The following RAB37 variants were observed in gnomAD, a reference collection of about 807,000 sequenced individuals.
RAB37 encodes the protein ras-related protein Rab-37.
Under a neutral mutation model 33.1 loss-of-function variants are expected in RAB37, and 29 were observed. The ratio of observed to expected loss-of-function variants is 0.88; its 90% confidence interval spans 0.65 to 1.20. The LOEUF (loss-of-function observed/expected upper bound fraction) is 1.20. RAB37 is among the 50% of genes most tolerant of loss of function. The pLI, the probability that RAB37 is intolerant of heterozygous loss-of-function variation, is 0.00. For synonymous variants in RAB37, 128 were observed against 119.5 expected (o/e 1.07, Z -0.47); for missense variants, 299 against 301.1 (o/e 0.99, Z 0.05).
At chr17:74,733,261 T>G (rs1166271952), upstream of RAB37, among the ~76,000 whole-genome samples, 2 of 152,052 alleles carry the variant, frequency 1.3e-5, no homozygotes, top group Non-Finnish European at 2.9e-5. Context: ...GTTTATAGTA[T>G]GAGGTGCACA....
chr17:74,695,907 C>T (rs746771602), intron 1 of RAB37: 1 of 1,586,060 alleles, frequency 6.3e-7, no homozygotes, highest in African/African-American at 1.3e-5. Flanking sequence ...TGTCTGTGGA[C>T]ACAGGTTCCT....
chr17:74,702,523 G>A (rs988080375), intron 1 of RAB37, among the ~76,000 whole-genome samples: 6 of 152,128 alleles, frequency 3.9e-5, no homozygotes, highest in African/African-American at 1.4e-4. Context: ...AGAAACTATA[G>A]GCATCACTGT....
In RAB37 at chr17:74,744,410, A is replaced by G. The variant is rs115323748; in HGVS notation, c.432+37A>G. On this transcript the variant is annotated intron_variant, in intron 6 of 8. Coordinates refer to ENST00000392613, the MANE Select transcript of RAB37 (RefSeq NM_001006638.3). The surrounding 1 kb of genome is among the most constrained non-coding windows in gnomAD (Gnocchi z 4.2). ...CGGGGCAGGGTCAGCCCAGCCCTGCACTTCCTCAGCCCTAGCCGGCCCCAT... is the reference window on the plus strand; with the variant it reads ...CGGGGCAGGGTCAGCCCAGCCCTGCGCTTCCTCAGCCCTAGCCGGCCCCAT... The G allele has an allele frequency of 1.6e-3, 2,573 of 1,602,920 alleles. 39 individuals carry two copies. In the African/African-American group the frequency reaches 0.03, roughly 19 times the overall value.
At chr17:74,728,863 A>G (rs948844785) in intron 1 of RAB37, among the ~76,000 whole-genome samples, 1 of 148,120 alleles carries the variant, frequency 6.8e-6, no homozygotes, top group Non-Finnish European at 1.5e-5. Flanking sequence ...TTTCTGTGCC[A>G]TGTGTGTTCT....
intron 1 of RAB37, among the ~76,000 whole-genome samples, chr17:74,700,610 T>C (rs2032960446): frequency 6.6e-6 from 1 of 152,028 alleles, no homozygotes; most frequent in African/African-American, 2.4e-5. Flanking sequence ...GGTGTGGTGG[T>C]GCATTCCTGT....
chr17:74,743,383 G>T, intron 5 of RAB37, 43 bp downstream of exon 5: 2 of 1,603,412 alleles, frequency 1.2e-6, no homozygotes, highest in Non-Finnish European at 1.7e-6. Flanking sequence ...AAGCAGCCAA[G>T]GCAAGGTCTA....
At position 74,740,836 on chromosome 17, in the gene RAB37, C is replaced by T. The variant is rs1253052980; in HGVS notation, c.162C>T (p.Phe54=). 1 of 1,614,142 alleles carries T rather than the reference C, an allele frequency of 6.2e-7. No homozygotes were observed. Among genetic ancestry groups the T allele is most frequent in the South Asian group, 1.1e-5 (1 of 91,090 alleles). ...CFLIQFKDGA[F]LSGTFIATVG... is the part of the protein sequence containing the mutation. ...TGATCCAATTCAAAGACGGGGCCTT[C>T]CTGTCCGGAACCTTCATAGCCACCG... The change falls in exon 2 of 9, where the codon TTC becomes TTT. Residue 54 remains phenylalanine, a synonymous_variant. Transcript: ENST00000392613.
rs560507842 is a variant in RAB37, at chr17:74,722,140, G to A, written c.73-7116G>A. Reference sequence around the variant, plus strand: ...CTACCAAAAATACAAAAAATTAGCCGGGCGTGGTGGCGGGCGCCTGTAGTC... The same window carrying A: ...CTACCAAAAATACAAAAAATTAGCCAGGCGTGGTGGCGGGCGCCTGTAGTC... On this transcript the variant is annotated intron_variant, in intron 1 of 7. Coordinates refer to the RAB37 transcript ENST00000340415. 9.2e-5 allele frequency among the ~76,000 whole-genome samples: 14 copies of A among 152,128 alleles called. No individual in the cohort carries two copies. In the South Asian group the frequency reaches 1.2e-3, roughly 14 times the overall value.
rs192841091 is a variant in RAB37, at chr17:74,728,278, G to A, written c.73-978G>A. Reference sequence around the variant, plus strand: ...GGTGTACATGTGTTTCCACATGTCTGTGTGCATGTGTGTGTTCTGTGTGTA... The same window carrying A: ...GGTGTACATGTGTTTCCACATGTCTATGTGCATGTGTGTGTTCTGTGTGTA... On this transcript the variant is annotated intron_variant, in intron 1 of 7. Coordinates refer to the RAB37 transcript ENST00000340415. Among the ~76,000 whole-genome samples, 48 of 152,170 alleles carry A rather than the reference G, an allele frequency of 3.2e-4. 2 individuals carry two copies. The highest frequency in any genetic ancestry group is 6.5e-5 in the Admixed American group (1 of 15,302).
At chr17:74,704,019 T>C (rs1223602681) in intron 1 of RAB37, among the ~76,000 whole-genome samples, 1 of 152,232 alleles carries the variant, frequency 6.6e-6, no homozygotes, top group Non-Finnish European at 1.5e-5. Flanking sequence ...CCGACTATGC[T>C]GAGCCTCTTT....
At chr17:74,701,117 T>C (rs1254494065) in intron 1 of RAB37, among the ~76,000 whole-genome samples, 4 of 152,238 alleles carry the variant, frequency 2.6e-5, no homozygotes, top group Admixed American at 2.6e-4. Context: ...ATTTTTGTGA[T>C]TTAAGCCCCC....
upstream of RAB37, chr17:74,737,199 C>T (rs1165936727): frequency 3.7e-5 from 11 of 297,664 alleles, no homozygotes; most frequent in East Asian, 9.1e-4. Context: ...GAGGAGTGGG[C>T]GGGGCGGGGG....
In RAB37 at chr17:74,740,818, A is replaced by G. The variant is rs1331089998; in HGVS notation, c.144A>G (p.Gln48=). The G allele has an allele frequency of 1.2e-5, 20 of 1,613,966 alleles. No individual in the cohort carries two copies. The highest frequency in any genetic ancestry group is 3.3e-5 in the South Asian group (3 of 91,084). The part of the protein sequence containing the change: ...TGVGKTCFLI[Q]FKDGAFLSGT... ...TCGGCAAAACATGTTTCCTGATCCA[A>G]TTCAAAGACGGGGCCTTCCTGTCCG... The change falls in exon 2 of 9, where the codon CAA becomes CAG. Residue 48 remains glutamine, a synonymous_variant. Coordinates refer to ENST00000392613, the MANE Select transcript of RAB37 (RefSeq NM_001006638.3).
chr17:74,741,754 G>A (rs2034624099), intron 2 of RAB37, among the ~76,000 whole-genome samples: 1 of 152,162 alleles, frequency 6.6e-6, no homozygotes, highest in African/African-American at 2.4e-5. Context: ...GGCAGGTGGG[G>A]CTCTACAGCT....
At chr17:74,725,588 G>A (rs1205699425) in intron 1 of RAB37, among the ~76,000 whole-genome samples, 2 of 151,948 alleles carry the variant, frequency 1.3e-5, no homozygotes, top group Admixed American at 6.6e-5. Flanking sequence ...AGCTCTCCAC[G>A]ATGGCCTAGG....
rs188781846 is a variant in RAB37, at chr17:74,725,930, T to C, written c.73-3326T>C. Among the ~76,000 whole-genome samples the C allele has an allele frequency of 1.7e-3, 262 of 151,956 alleles. 1 individual carries two copies. Among genetic ancestry groups the C allele is most frequent in the Non-Finnish European group, 2.9e-3 (194 of 67,952 alleles). On this transcript the variant is annotated intron_variant, in intron 1 of 7. Transcript: ENST00000340415. ...CGCACCTGGCCATTGTCAATAGATTTCTAATGCTGATAAAAAAAAGACCTA... is the reference window on the plus strand; with the variant it reads ...CGCACCTGGCCATTGTCAATAGATTCCTAATGCTGATAAAAAAAAGACCTA...
chr17:74,743,813 G>T (rs2034681399), intron 5 of RAB37, among the ~76,000 whole-genome samples: 1 of 152,148 alleles, frequency 6.6e-6, no homozygotes, highest in Non-Finnish European at 1.5e-5. Context: ...ACATTGTATA[G>T]GTTTCATGAA....
chr17:74,697,951 G>T (rs2032659281), intron 1 of RAB37, among the ~76,000 whole-genome samples: 1 of 152,118 alleles, frequency 6.6e-6, no homozygotes, highest in Non-Finnish European at 1.5e-5. Flanking sequence ...TGCATCCACT[G>T]GTGTGTTTGT....
intron 1 of RAB37, among the ~76,000 whole-genome samples, chr17:74,721,164 G>A (rs983083316): frequency 6.6e-6 from 1 of 152,184 alleles, no homozygotes; most frequent in Non-Finnish European, 1.5e-5. Flanking sequence ...GCAACATTCA[G>A]GCAGGAAAAC....
Sources: gnomAD v4.1 joint callset for allele counts (sites outside exome capture counted in the v4.1 genomes callset) on GRCh38, gnomAD v4.1.1 for gene constraint, Gnocchi (gnomAD v3.1) non-coding constraint, MANE v1.5 for transcripts, NCBI Gene and HGNC (gene_info 2026-07-23, HGNC 2026-07-21) for gene names.